Variants in WDR75 observed in about 807,000 individuals in gnomAD.
WDR75 encodes the protein WD repeat domain 75.
A neutral mutation model predicts 106.1 loss-of-function variants in WDR75; 52 were observed. That is an observed-to-expected ratio of 0.49 (90% confidence interval 0.39 to 0.62). The LOEUF (loss-of-function observed/expected upper bound fraction) is 0.62, where lower values mean the gene tolerates loss of function less well. Among genes scored for constraint, WDR75 ranks in the 20% least tolerant of loss-of-function variants. WDR75 has a pLI of 0.00. For synonymous variants in WDR75, 333 were observed against 335.5 expected (o/e 0.99, Z 0.08); for missense variants, 905 against 970.3 (o/e 0.93, Z 0.89).
intron 2 of WDR75, chr2:189,448,840 T>G: frequency 2.1e-6 from 1 of 480,492 alleles, no homozygotes; most frequent in Non-Finnish European, 4.3e-6. Context: ...AAGAGGTATG[T>G]AGTTTTTGGT....
intron 9 of WDR75, 43 bp downstream of exon 9, chr2:189,462,685 T>G: frequency 6.4e-7 from 1 of 1,572,200 alleles, no homozygotes; most frequent in Non-Finnish European, 8.7e-7. Context: ...ATAAACACCA[T>G]AAATTAGCTA....
rs563801136 is a variant in WDR75 at position 189,444,312 on chromosome 2, G to A, written c.86+2734G>A. Among the ~76,000 whole-genome samples, 24 of 152,174 alleles carry A rather than the reference G, an allele frequency of 1.6e-4. No homozygotes were observed. The South Asian group carries it at 2.5e-3, about 16-fold the overall frequency. ...AAAGACAGACTTGTGGAATTTTGGC[G>A]GCTTCCTCTTGAAACTAGAACAAAA... On this transcript the variant is annotated intron_variant, in intron 1 of 20. Coordinates refer to ENST00000314761, the MANE Select transcript of WDR75 (RefSeq NM_032168.3).
At chr2:189,448,677 G>A in intron 2 of WDR75, 169 bp downstream of exon 2, 1 of 811,210 alleles carries the variant, frequency 1.2e-6, no homozygotes, top group Non-Finnish European at 2.0e-6. Flanking sequence ...AGCATATTCT[G>A]TGAACCATTT....
rs1313428334 is a variant in WDR75, at chr2:189,442,447, T to TTTC, written c.86+871_86+872insCTT. Among the ~76,000 whole-genome samples the TTTC allele has an allele frequency of 4.5e-4, 55 of 122,996 alleles. 1 individual carries two copies. The highest frequency in any genetic ancestry group is 1.1e-3 in the South Asian group (4 of 3,488). The allele number at this position is 122,996 out of a possible 152,430, so 80.7% of individuals were successfully genotyped here. On this transcript the variant is annotated intron_variant, in intron 1 of 20. Transcript: ENST00000314761. ...TTTGTAGCCTCCACAATATTCTTTT[T>TTTC]TTTTTTTTTTTTTTTTTTTTTGATG...
intron 18 of WDR75, 79 bp from the exon 19 acceptor site, chr2:189,474,107 T>C (rs1687165640): frequency 7.1e-7 from 1 of 1,401,936 alleles, no homozygotes. Context: ...TTTTTATGAT[T>C]CTGTAGTACT....
chr2:189,455,212 G>C (rs1686707335), intron 4 of WDR75, 108 bp from the exon 5 acceptor site: 1 of 1,356,622 alleles, frequency 7.4e-7, no homozygotes, highest in African/African-American at 1.5e-5. Context: ...CTGCACTCCA[G>C]CCTGGGCGAC....
At chr2:189,458,470 A>T (rs1686788495) in intron 6 of WDR75, among the ~76,000 whole-genome samples, 1 of 152,208 alleles carries the variant, frequency 6.6e-6, no homozygotes, top group Non-Finnish European at 1.5e-5. Context: ...AAAAAAAATC[A>T]CTAAAATCTT....
rs149674375 is a variant in WDR75 at position 189,457,657 on chromosome 2, G to T, written c.569+276G>T. On this transcript the variant is annotated intron_variant, in intron 6 of 20. Transcript: ENST00000314761. ...TCAAAGTTGGATGTAGTTTGACAGG[G>T]TTTCACCACATGATTCTCATTGTCA... Among the ~76,000 whole-genome samples the T allele has an allele frequency of 1.6e-4, 24 of 152,290 alleles. No individual in the cohort carries two copies. In the East Asian group the frequency reaches 4.6e-3, roughly 29 times the overall value.
At chr2:189,446,687 C>G (rs1167524527) in intron 1 of WDR75, among the ~76,000 whole-genome samples, 1 of 152,114 alleles carries the variant, frequency 6.6e-6, no homozygotes, top group Non-Finnish European at 1.5e-5. Flanking sequence ...AGGATATGTT[C>G]CAGGACCCTC....
chr2:189,454,128 C>T (rs903805018), intron 4 of WDR75, among the ~76,000 whole-genome samples: 1 of 151,972 alleles, frequency 6.6e-6, no homozygotes, highest in Non-Finnish European at 1.5e-5. Context: ...GGGAAATGAG[C>T]AACATAGGAG....
chr2:189,446,566 A>G (rs1686504029), intron 1 of WDR75, among the ~76,000 whole-genome samples: 1 of 152,216 alleles, frequency 6.6e-6, no homozygotes, highest in African/African-American at 2.4e-5. Context: ...AATTTCAAAG[A>G]GATGAACAAG....
chr2:189,460,687 G>A (rs1359680688), intron 8 of WDR75, among the ~76,000 whole-genome samples: 2 of 151,954 alleles, frequency 1.3e-5, no homozygotes, highest in African/African-American at 4.8e-5. Context: ...TGTATTTTTT[G>A]TAGAGATGGG....
rs6757248 is a variant in WDR75, at chr2:189,465,655, G to C, written c.1289+401G>C. On this transcript the variant is annotated intron_variant, in intron 12 of 20. Coordinates refer to ENST00000314761, the MANE Select transcript of WDR75 (RefSeq NM_032168.3). ...GTGATTAGATAAGGAATCCACTCTC[G>C]TACTGTGGCTATAATAACCACTTAA... Among the ~76,000 whole-genome samples, 478 of 152,188 alleles carry C rather than the reference G, an allele frequency of 3.1e-3. 2 individuals carry two copies. The highest frequency in any genetic ancestry group is 0.011 in the African/African-American group (449 of 41,530).
At chr2:189,441,888 A>C (rs1048382218) in intron 1 of WDR75, among the ~76,000 whole-genome samples, 3 of 152,184 alleles carry the variant, frequency 2.0e-5, no homozygotes, top group African/African-American at 4.8e-5. Flanking sequence ...TGTGTATGCC[A>C]CTACCTTTGC....
chr2:189,474,170 T>C lies in WDR75; in HGVS notation c.2050-16T>C. On this transcript the variant is annotated splice_polypyrimidine_tract_variant and intron_variant, in intron 18 of 20. Transcript: ENST00000314761. ...TTTTTTCTGAAATAATTTCTCTTTG[T>C]CTTAAATCCTTAAAGCTGCTAGCAG... 1.9e-6 allele frequency: 3 copies of C among 1,602,942 alleles called. No homozygotes were observed. The highest frequency in any genetic ancestry group is 1.3e-5 in the African/African-American group (1 of 74,164).
At position 189,467,517 on chromosome 2, in the gene WDR75, T is replaced by C. The variant is rs1687027354; in HGVS notation, c.1497T>C (p.Tyr499=). The change falls in exon 14 of 21, where the codon TAT becomes TAC. Residue 499 remains tyrosine, a synonymous_variant. Coordinates refer to ENST00000314761, the MANE Select transcript of WDR75 (RefSeq NM_032168.3). ...ACTTTGTTGGTAGTTATCACAAGTA[T>C]CAAGCAACTAACTGTTGTTTCTCCG... ...TCDFVGSYHK[Y]QATNCCFSED... is the part of the protein sequence containing the mutation. The C allele has an allele frequency of 1.2e-6, 2 of 1,608,000 alleles. No homozygotes were observed. Among genetic ancestry groups the C allele is most frequent in the African/African-American group, 1.3e-5 (1 of 74,772 alleles).
intron 1 of WDR75, among the ~76,000 whole-genome samples, chr2:189,447,155 A>G (rs1290303521): frequency 6.6e-6 from 1 of 152,244 alleles, no homozygotes; most frequent in African/African-American, 2.4e-5. Context: ...GTGAAACCAT[A>G]AATAAGAGAG....
Position 189,474,152 on chromosome 2 carries a change from TGAAATAA to T in WDR75, c.2050-33_2050-27del, listed in dbSNP as rs1574206980. 6.9e-6 allele frequency: 11 copies of T among 1,587,588 alleles called. No individual in the cohort carries two copies. In the Admixed American group the frequency reaches 7.4e-5, roughly 11 times the overall value. On this transcript the variant is annotated intron_variant, in intron 18 of 20. Transcript: ENST00000314761. ...GTCAAACACAGTTCTTCCTTTTTTC[TGAAATAA>T]TTTCTCTTTGTCTTAAATCCTTAAA...
chr2:189,470,953 G>A, intron 18 of WDR75, 75 bp downstream of exon 18: 1 of 1,162,164 alleles, frequency 8.6e-7, no homozygotes, highest in African/African-American at 1.6e-5. Context: ...AGTCAACTAT[G>A]AAAAAAATAT....
Sources: gnomAD v4.1 joint callset for allele counts (sites outside exome capture counted in the v4.1 genomes callset) on GRCh38, gnomAD v4.1.1 for gene constraint, MANE v1.5 for transcripts, NCBI Gene and HGNC (gene_info 2026-07-23, HGNC 2026-07-21) for gene names.